Variants in NR6A1 observed in about 807,000 individuals in gnomAD.
NR6A1 encodes the protein nuclear receptor subfamily 6 group A member 1.
In NR6A1, 7 loss-of-function variants were observed where a neutral mutation model predicts 59.1. The ratio of observed to expected loss-of-function variants is 0.12; its 90% confidence interval spans 0.07 to 0.22. The LOEUF is 0.22. Ranked by LOEUF, NR6A1 falls within the 10% of genes least tolerant of loss-of-function variation. NR6A1 has a pLI of 1.00. For missense variants in NR6A1, 468 were observed against 611.6 expected (o/e 0.77, Z 2.48); for synonymous variants, 243 against 236.1 (o/e 1.03, Z -0.27).
At position 124,555,722 on chromosome 9, in the gene NR6A1, T is replaced by G. The variant is rs59340053; in HGVS notation, c.143-1152A>C. Among the ~76,000 whole-genome samples the G allele has an allele frequency of 6.4e-3, 980 of 152,272 alleles. 2 individuals carry two copies. The highest frequency in any genetic ancestry group is 0.031 in the Middle Eastern group (9 of 294). Reference sequence around the variant, plus strand: ...AACCCTAGCTCTGAAACTAGCTGGGTGAACTAGGGAAAAATTGACCTTCTT... The same window carrying G: ...AACCCTAGCTCTGAAACTAGCTGGGGGAACTAGGGAAAAATTGACCTTCTT... On this transcript the variant is annotated intron_variant, in intron 2 of 9. Coordinates refer to ENST00000487099, the MANE Select transcript of NR6A1 (RefSeq NM_033334.4).
intron 2 of NR6A1, among the ~76,000 whole-genome samples, chr9:124,577,310 G>C (rs1411752811): frequency 6.6e-6 from 1 of 152,136 alleles, no homozygotes; most frequent in Admixed American, 6.5e-5. Context: ...CTCTTCCAAA[G>C]AAAATCCCAG....
chr9:124,549,547 T>C (rs570502936), intron 3 of NR6A1, among the ~76,000 whole-genome samples: 1 of 152,328 alleles, frequency 6.6e-6, no homozygotes, highest in Non-Finnish European at 1.5e-5. Flanking sequence ...ATTGCTTTGC[T>C]AAGGAGTTTT....
intron 1 of NR6A1, 82 bp from the exon 2 acceptor site, chr9:124,733,431 G>T (rs1228084879): frequency 2.8e-6 from 3 of 1,071,560 alleles, no homozygotes; most frequent in South Asian, 1.3e-5. Context: ...TCATACAGTT[G>T]GGGGGAAATC....
chr9:124,525,968 C>A (rs1832922804), intron 8 of NR6A1, among the ~76,000 whole-genome samples: 1 of 152,042 alleles, frequency 6.6e-6, no homozygotes, highest in South Asian at 2.1e-4. Flanking sequence ...ATGCAGAACA[C>A]CAGATAAATG....
intron 2 of NR6A1, chr9:124,599,387 C>G: frequency 2.7e-6 from 1 of 369,850 alleles, no homozygotes; most frequent in Non-Finnish European, 5.1e-6. Context: ...CCATTGCACT[C>G]CAGCCTGGGC....
intron 1 of NR6A1, among the ~76,000 whole-genome samples, chr9:124,757,440 T>C (rs1446860490): frequency 2.2e-5 from 3 of 139,196 alleles, no homozygotes; most frequent in African/African-American, 8.0e-5. Context: ...TAATAGTATA[T>C]ACTGTATGAC....
intron 1 of NR6A1, among the ~76,000 whole-genome samples, chr9:124,750,961 C>T (rs1463591346): frequency 1.3e-5 from 2 of 152,188 alleles, no homozygotes; most frequent in Non-Finnish European, 2.9e-5. Flanking sequence ...TTTGTATCCT[C>T]TACCAGAAGC....
At chr9:124,536,649 AG>A (rs1479026419) in intron 6 of NR6A1, among the ~76,000 whole-genome samples, 6 of 151,466 alleles carry the variant, frequency 4.0e-5, no homozygotes, top group African/African-American at 1.5e-4. Flanking sequence ...TGGGTGACAG[AG>A]CAAGACTCTG....
chr9:124,556,867 CTT>C (rs34247254), intron 2 of NR6A1, among the ~76,000 whole-genome samples: 5,605 of 143,598 alleles, frequency 0.039, 301 homozygotes, highest in African/African-American at 0.12. Flanking sequence ...ACTAATATAC[CTT>C]TTTTTTTTTT....
At chr9:124,686,605 C>T (rs970540837) in intron 2 of NR6A1, among the ~76,000 whole-genome samples, 6 of 152,092 alleles carry the variant, frequency 3.9e-5, no homozygotes. Flanking sequence ...ACGAGTCCTG[C>T]TTCCTGTGGG....
chr9:124,687,834 CAT>C (rs757637959), intron 2 of NR6A1, among the ~76,000 whole-genome samples: 13 of 152,200 alleles, frequency 8.5e-5, no homozygotes, highest in Non-Finnish European at 1.6e-4. Flanking sequence ...TATAACTTCT[CAT>C]TTGACAATTT....
intron 2 of NR6A1, among the ~76,000 whole-genome samples, chr9:124,569,218 G>A (rs924755691): frequency 1.3e-5 from 2 of 152,164 alleles, no homozygotes; most frequent in Non-Finnish European, 2.9e-5. Context: ...AGAGAACTAC[G>A]TGCAATCTAT....
intron 2 of NR6A1, among the ~76,000 whole-genome samples, chr9:124,723,992 ATTAT>A (rs1839638643): frequency 1.3e-5 from 2 of 152,248 alleles, no homozygotes; most frequent in Non-Finnish European, 2.9e-5. Context: ...TCACTGTGGC[ATTAT>A]TTATGATGCA....
chr9:124,612,809 CTTTCTTTCT>C lies in NR6A1; in HGVS notation c.143-58248_143-58240del, dbSNP rs561684708. ...CTTTCTTTCTTTTCTTTCTTTCTTT[CTTTCTTTCT>C]TTTCTTTCTTTCTTTCACATCTTCC... On this transcript the variant is annotated intron_variant, in intron 2 of 9. Transcript: ENST00000487099. Among the ~76,000 whole-genome samples the C allele has an allele frequency of 2.3e-3, 340 of 145,430 alleles. 1 individual carries two copies. The highest frequency in any genetic ancestry group is 7.8e-3 in the African/African-American group (318 of 40,822).
Position 124,538,234 on chromosome 9 carries a change from G to A in NR6A1, c.682C>T (p.His228Tyr), listed in dbSNP as rs755071142. 2 of 1,614,078 alleles carry A rather than the reference G, an allele frequency of 1.2e-6. No homozygotes were observed. Among genetic ancestry groups the A allele is most frequent in the South Asian group, 1.1e-5 (1 of 91,084 alleles). The change falls in exon 6 of 10, where the codon CAC (histidine) becomes TAC (tyrosine). Residue 228 changes from histidine to tyrosine, a missense_variant. His to Tyr is a moderately conservative substitution (Grantham distance 83). This residue lies in a region of NR6A1 where 151 missense variants were observed against 142.8 expected (regional missense o/e 1.06). Coordinates refer to ENST00000487099, the MANE Select transcript of NR6A1 (RefSeq NM_033334.4). ...SVPPHYQYIP[H>Y]LFSYSGHSPL... ...GAGTGGCCAGAATAGCTAAAAAGGTGCGGTATATATTGGTAATGTGGAGGC... is the reference window on the plus strand; with the variant it reads ...GAGTGGCCAGAATAGCTAAAAAGGTACGGTATATATTGGTAATGTGGAGGC...
intron 2 of NR6A1, among the ~76,000 whole-genome samples, chr9:124,581,548 C>T (rs999775099): frequency 4.6e-5 from 7 of 152,114 alleles, no homozygotes; most frequent in Admixed American, 6.5e-5. Flanking sequence ...GCCGAGATCA[C>T]GCCATTGCAC....
chr9:124,753,805 T>G (rs1840569816), intron 1 of NR6A1, among the ~76,000 whole-genome samples: 1 of 152,170 alleles, frequency 6.6e-6, no homozygotes, highest in South Asian at 2.1e-4. Flanking sequence ...TTGCTCTGGT[T>G]CTAATACTTC....
chr9:124,701,367 C>T (rs1250400212), intron 2 of NR6A1, among the ~76,000 whole-genome samples: 2 of 152,110 alleles, frequency 1.3e-5, no homozygotes, highest in East Asian at 3.9e-4. Flanking sequence ...TTCTTTTACC[C>T]ATGTTTTCAT....
chr9:124,547,999 A>G (rs759224903), intron 3 of NR6A1, among the ~76,000 whole-genome samples: 11 of 152,196 alleles, frequency 7.2e-5, no homozygotes, highest in Non-Finnish European at 1.6e-4. Flanking sequence ...TGATAACAGT[A>G]CTGTGATTGC....
Sources: gnomAD v4.1 joint callset for allele counts (sites outside exome capture counted in the v4.1 genomes callset) on GRCh38, gnomAD v4.1.1 for gene constraint, gnomAD v4.1.1 regional missense constraint, MANE v1.5 for transcripts, NCBI Gene and HGNC (gene_info 2026-07-23, HGNC 2026-07-21) for gene names.